Variants in SLC50A1 observed in about 807,000 individuals in gnomAD.
SLC50A1 encodes sugar transporter SWEET1.
A neutral mutation model predicts 28.9 loss-of-function variants in SLC50A1; 22 were observed. That is an observed-to-expected ratio of 0.76 (90% confidence interval 0.54 to 1.09). SLC50A1 has a LOEUF of 1.09. Among genes scored for constraint, SLC50A1 ranks in the 50% least tolerant of loss-of-function variants. SLC50A1 has a pLI of 0.00. For synonymous variants in SLC50A1, 96 were observed against 110.6 expected, an observed-to-expected ratio of 0.87 and a Z score of 0.83; for missense variants, 233 against 273.4, an observed-to-expected ratio of 0.85 and a Z score of 1.04.
intron 1 of SLC50A1, 109 bp from the exon 2 acceptor site, chr1:155,136,174 TGGCGGGGGGGAGAGGG>T: frequency 7.2e-6 from 1 of 138,664 alleles, no homozygotes; most frequent in Non-Finnish European, 1.4e-5. Context: ...GCAGGATAGC[TGGCGGGGGGGAGAGGG>T]GGCGGGGTCT....
chr1:155,135,988 G>T lies in SLC50A1; in HGVS notation c.77G>T (p.Gly26Val), dbSNP rs976788335. The T allele has an allele frequency of 8.1e-6, 13 of 1,613,972 alleles. No individual in the cohort carries two copies. Among genetic ancestry groups the T allele is most frequent in the Non-Finnish European group, 1.1e-5 (13 of 1,180,016 alleles). Residue 26 changes from glycine to valine, a missense_variant, in exon 1 of 6, where the codon GGC becomes GTC. Physicochemically the swap from Gly to Val is moderately radical, Grantham distance 109 (BLOSUM62 -3). Coordinates refer to ENST00000368404, the MANE Select transcript of SLC50A1 (RefSeq NM_018845.4). ...TTCACCCTTGGCATGTTCTCCGCCG[G>T]CCTGTGAGAGTGCGGCCGGGCTGGG... ...VVFTLGMFSA[G>V]LSDLRHMRMT... is the part of the protein sequence containing the mutation.
Position 155,137,610 on chromosome 1 carries a change from G to C in SLC50A1, c.332G>C (p.Gly111Ala), listed in dbSNP as rs777617888. Residue 111 changes from glycine (G) to alanine (A), a missense_variant, in exon 4 of 6, where the codon GGT becomes GCT. Gly to Ala is a moderately conservative substitution (Grantham distance 60, BLOSUM62 0). Coordinates refer to ENST00000368404, the MANE Select transcript of SLC50A1 (RefSeq NM_018845.4). ...ACCCTGCTAGGGGTCCTTCTCCTGG[G>C]TTATGGCTACTTTTGGCTCCTGGTA... is the stretch of plus-strand genomic sequence containing the variant. ...TATLLGVLLL[G>A]YGYFWLLVPN... The C allele has an allele frequency of 1.2e-5, 20 of 1,614,094 alleles. No individual in the cohort carries two copies. The highest frequency in any genetic ancestry group is 4.0e-5 in the African/African-American group (3 of 74,934).
At position 155,137,542 on chromosome 1, in the gene SLC50A1, G is replaced by A. The variant is rs1260945459; in HGVS notation, c.283-19G>A. 6.2e-7 allele frequency: 1 copy of A among 1,613,406 alleles called. No homozygotes were observed. The highest frequency in any genetic ancestry group is 8.5e-7 in the Non-Finnish European group (1 of 1,179,640). On this transcript the variant is annotated intron_variant, in intron 3 of 5. Coordinates refer to ENST00000368404, the MANE Select transcript of SLC50A1 (RefSeq NM_018845.4). ...GTCAGAGTGCACATCTGGAAGTAAG[G>A]GTACTCTCTCCCCTGCAGCGTGTTG...
chr1:155,135,398 GA>G (rs1664374581), upstream of SLC50A1: 2 of 563,310 alleles, frequency 3.6e-6, no homozygotes, highest in Non-Finnish European at 6.2e-6. Flanking sequence ...GTGTTATTTT[GA>G]GAAAAAGCTT....
chr1:155,136,441 G>C, intron 2 of SLC50A1, 65 bp downstream of exon 2: 1 of 1,477,426 alleles, frequency 6.8e-7, no homozygotes, highest in Middle Eastern at 1.7e-4. Flanking sequence ...GGGGCAGGAG[G>C]AGCAAGAGTG....
upstream of SLC50A1, chr1:155,135,840 C>G (rs1664407529): frequency 6.2e-7 from 1 of 1,602,084 alleles, no homozygotes; most frequent in Middle Eastern, 1.8e-4. Flanking sequence ...AGCCGCAGGT[C>G]TGGGCTGCAG....
In SLC50A1 at chr1:155,136,319, G is replaced by T; in HGVS notation, c.101G>T (p.Arg34Leu). 3 of 1,610,974 alleles carry T rather than the reference G, an allele frequency of 1.9e-6. No individual in the cohort carries two copies. Among genetic ancestry groups the T allele is most frequent in the Non-Finnish European group, 2.5e-6 (3 of 1,178,622 alleles). The change falls in exon 2 of 6, where the codon CGA becomes CTA. Residue 34 changes from arginine to leucine, a missense_variant. Arg to Leu is a moderately radical substitution (Grantham distance 102). Transcript: ENST00000368404. ...TACAGCTCGGACCTCAGGCACATGC[G>T]AATGACCCGGAGTGTGGACAACGTC... ...SAGLSDLRHM[R>L]MTRSVDNVQF... is the part of the protein sequence containing the mutation.
upstream of SLC50A1, chr1:155,135,665 C>T: frequency 6.4e-7 from 1 of 1,550,422 alleles, no homozygotes; most frequent in South Asian, 1.2e-5. Flanking sequence ...AGGGGACTGA[C>T]CGGGACATGG....
In SLC50A1 at chr1:155,136,931, C is replaced by G; in HGVS notation, c.262C>G (p.Leu88Val). 6.2e-7 allele frequency: 1 copy of G among 1,614,148 alleles called. No individual in the cohort carries two copies. The highest frequency in any genetic ancestry group is 8.5e-7 in the Non-Finnish European group (1 of 1,180,002). ...TCAGACCCTGTATATCTTGGCATATCTGCATTACTGCCCTCGGAAGGTAGA... is the reference window on the plus strand; with the variant it reads ...TCAGACCCTGTATATCTTGGCATATGTGCATTACTGCCCTCGGAAGGTAGA... ...ALQTLYILAYLHYCPRKRVVL... is the reference protein window; with the variant it reads ...ALQTLYILAYVHYCPRKRVVL... Residue 88 changes from leucine (L) to valine (V), a missense_variant, in exon 3 of 6, where the codon CTG becomes GTG. Transcript: ENST00000368404.
intron 1 of SLC50A1, 106 bp downstream of exon 1, chr1:155,136,097 A>G: frequency 7.1e-7 from 1 of 1,400,852 alleles, no homozygotes; most frequent in Admixed American, 2.0e-5. Context: ...AACCGGGATC[A>G]AAGTGGGATC....
At position 155,136,641 on chromosome 1, in the gene SLC50A1, G is replaced by C. The variant is rs577772218; in HGVS notation, c.159-187G>C. 5.8e-5 allele frequency: 51 copies of C among 873,594 alleles called. No individual in the cohort carries two copies. In the East Asian group the frequency reaches 1.3e-3, roughly 22 times the overall value. 54.1% of individuals were successfully genotyped at this position (873,594 alleles called of 1,614,324 possible). On this transcript the variant is annotated intron_variant, in intron 2 of 5. Transcript: ENST00000368404. Reference sequence around the variant, plus strand: ...GCCTGTAGTCCCAGCTACTCGGGAGGCTGAGGCAGGAGAATGGCGTGAACC... The same window carrying C: ...GCCTGTAGTCCCAGCTACTCGGGAGCCTGAGGCAGGAGAATGGCGTGAACC...
At chr1:155,136,678 G>A (rs1374448194) in intron 2 of SLC50A1, 150 bp from the exon 3 acceptor site, 2 of 1,142,180 alleles carry the variant, frequency 1.8e-6, no homozygotes, top group East Asian at 2.6e-5. Flanking sequence ...AGGAGGCGGA[G>A]CTTGCAGTGA....
At chr1:155,136,186 G>A (rs1376555599) in intron 1 of SLC50A1, 113 bp from the exon 2 acceptor site, 41 of 567,844 alleles carry the variant, frequency 7.2e-5, no homozygotes, top group East Asian at 5.8e-4. Context: ...GCGGGGGGGA[G>A]AGGGGGCGGG....
rs2102487671 is a variant in SLC50A1, at chr1:155,138,092, T to C, written c.558T>C (p.Tyr186=). Residue 186 remains tyrosine (Y), a synonymous_variant, in exon 5 of 6, where the codon TAT becomes TAC. Coordinates refer to ENST00000368404, the MANE Select transcript of SLC50A1 (RefSeq NM_018845.4). ...CLYGFRLRDP[Y]IMVSNFPGIV... ...ATGGGTTTCGACTCAGAGATCCCTA[T>C]ATCATGGTAAGCACAACTGGGATGG... The C allele has an allele frequency of 6.2e-7, 1 of 1,614,176 alleles. No homozygotes were observed. Among genetic ancestry groups the C allele is most frequent in the Non-Finnish European group, 8.5e-7 (1 of 1,180,032 alleles).
chr1:155,136,138 G>A, intron 1 of SLC50A1, 147 bp downstream of exon 1: 1 of 937,748 alleles, frequency 1.1e-6, no homozygotes, highest in Non-Finnish European at 1.6e-6. Context: ...CAAGGGCGAG[G>A]CTGGTCACTA....
chr1:155,137,571 T>G lies in SLC50A1; in HGVS notation c.293T>G (p.Leu98Arg). The G allele has an allele frequency of 6.2e-7, 1 of 1,614,084 alleles. No individual in the cohort carries two copies. Among genetic ancestry groups the G allele is most frequent in the Non-Finnish European group, 8.5e-7 (1 of 1,179,980 alleles). ...CTCTCTCCCCTGCAGCGTGTTGTGCTCCTACAGACTGCAACCCTGCTAGGG... is the reference window on the plus strand; with the variant it reads ...CTCTCTCCCCTGCAGCGTGTTGTGCGCCTACAGACTGCAACCCTGCTAGGG... The part of the protein sequence containing the change: ...LHYCPRKRVV[L>R]LQTATLLGVL... The change falls in exon 4 of 6, where the codon CTC becomes CGC. Residue 98 changes from leucine (L) to arginine (R), a missense_variant. Transcript: ENST00000368404.
At chr1:155,138,150 C>G (rs778110091) in intron 5 of SLC50A1, 30 bp from the exon 6 acceptor site, 10 of 1,614,080 alleles carry the variant, frequency 6.2e-6, no homozygotes, top group African/African-American at 4.0e-5. Flanking sequence ...AAACTGGCTC[C>G]TCTCCTCATA....
chr1:155,136,803 C>T, intron 2 of SLC50A1, 25 bp from the exon 3 acceptor site: 1 of 1,613,986 alleles, frequency 6.2e-7, no homozygotes, highest in Non-Finnish European at 8.5e-7. Flanking sequence ...CCCTTTGAGC[C>T]ATGTCCATCC....
At chr1:155,136,097 A>T in intron 1 of SLC50A1, 106 bp downstream of exon 1, 1 of 1,400,852 alleles carries the variant, frequency 7.1e-7, no homozygotes, top group Non-Finnish European at 9.8e-7. Flanking sequence ...AACCGGGATC[A>T]AAGTGGGATC....
Sources: allele counts gnomAD v4.1 joint callset, GRCh38; gene constraint gnomAD v4.1.1; transcripts MANE v1.5; gene names NCBI Gene and HGNC (gene_info 2026-07-23, HGNC 2026-07-21).